Variants in USP4 observed in about 807,000 individuals in gnomAD.
USP4 encodes the protein ubiquitin specific peptidase 4.
Under a neutral mutation model 118.2 loss-of-function variants are expected in USP4, and 72 were observed. That is an observed-to-expected ratio of 0.61 (90% CI 0.50 to 0.74). The LOEUF (loss-of-function observed/expected upper bound fraction) is 0.74, where lower values mean the gene tolerates loss of function less well. USP4 is among the 30% of genes least tolerant of loss of function. The probability of loss-of-function intolerance (pLI) is 0.00; values close to 1 mark genes in which losing one functional copy is unlikely to be tolerated. For synonymous variants in USP4, 415 were observed against 440.4 expected (o/e 0.94, Z 0.72); for missense variants, 1,037 against 1,185.7 (o/e 0.87, Z 1.84).
intron 15 of USP4, among the ~76,000 whole-genome samples, chr3:49,289,082 G>C (rs139268095): frequency 6.6e-6 from 1 of 152,188 alleles, no homozygotes; most frequent in Non-Finnish European, 1.5e-5. Flanking sequence ...CTGCACTCCA[G>C]CCTGGGCGAC....
At chr3:49,279,925 A>T (rs1330385098) in intron 20 of USP4, among the ~76,000 whole-genome samples, 1 of 152,200 alleles carries the variant, frequency 6.6e-6, no homozygotes, top group Non-Finnish European at 1.5e-5. Flanking sequence ...GAGGATGAGA[A>T]ACTTGCCCAA....
chr3:49,330,142 G>T (rs570886357), intron 2 of USP4, among the ~76,000 whole-genome samples: 14 of 151,472 alleles, frequency 9.2e-5, no homozygotes, highest in African/African-American at 2.7e-4. Flanking sequence ...CTGCACTCCA[G>T]CCTGGGCAAC....
At chr3:49,281,184 C>T (rs1458587100) in intron 19 of USP4, among the ~76,000 whole-genome samples, 3 of 151,884 alleles carry the variant, frequency 2.0e-5, no homozygotes, top group Admixed American at 6.6e-5. Flanking sequence ...AGGCCGCGCA[C>T]GGTGGCTCAC....
chr3:49,339,887 T>C lies in USP4; in HGVS notation c.101+37A>G, dbSNP rs200331948. ...AAGGAGGCCCCTTTTTCTCGGCCCC[T>C]GGTTCTGCATAGAGGAAGAGCGAGC... On this transcript the variant is annotated intron_variant, in intron 1 of 21. Coordinates refer to ENST00000265560, the MANE Select transcript of USP4 (RefSeq NM_003363.4). 6.3e-6 allele frequency: 10 copies of C among 1,578,056 alleles called. No individual in the cohort carries two copies. In the African/African-American group the frequency reaches 6.7e-5, roughly 11 times the overall value.
chr3:49,312,580 A>T (rs2047395121), intron 6 of USP4: 5 of 433,296 alleles, frequency 1.2e-5, no homozygotes, highest in South Asian at 8.0e-5. Flanking sequence ...AGATCGCGCC[A>T]TTGCACTCCA....
intron 3 of USP4, among the ~76,000 whole-genome samples, chr3:49,326,707 C>CTTT (rs72492740): frequency 7.2e-6 from 1 of 138,320 alleles, no homozygotes; most frequent in Non-Finnish European, 1.6e-5. Context: ...ATCAAAGACT[C>CTTT]TTTTTTTTTT....
rs1234413500 is a variant in USP4, at chr3:49,280,920, CCT to C, written c.2541-75_2541-74del. ...AAAGTAGTTAAGAGTAACCCAGCAA[CCT>C]CTGTTATGCAACAGGGCAGAACACA... is the stretch of plus-strand genomic sequence containing the variant. On this transcript the variant is annotated intron_variant, in intron 19 of 21. Coordinates refer to ENST00000265560, the MANE Select transcript of USP4 (RefSeq NM_003363.4). 8 of 1,263,822 alleles carry C rather than the reference CCT, an allele frequency of 6.3e-6. No homozygotes were observed. The East Asian group carries it at 2.0e-4, about 31-fold the overall frequency. The allele number at this position is 1,263,822 out of a possible 1,614,324, so 78.3% of individuals were successfully genotyped here. A position where few individuals can be genotyped will look rare whatever the true frequency, so the allele number is the denominator to read the frequency against.
intron 6 of USP4, among the ~76,000 whole-genome samples, chr3:49,313,079 G>A (rs1397988534): frequency 2.0e-5 from 3 of 151,516 alleles, no homozygotes; most frequent in Admixed American, 1.3e-4. Context: ...TTTTAGTAGA[G>A]ACAGGGTTTC....
At chr3:49,288,912 C>T (rs2047126066) in intron 15 of USP4, among the ~76,000 whole-genome samples, 2 of 152,076 alleles carry the variant, frequency 1.3e-5, no homozygotes, top group South Asian at 2.1e-4. Flanking sequence ...GAGTTCGAGA[C>T]AAGCCTGGGA....
chr3:49,286,214 T>C lies in USP4; in HGVS notation c.2084A>G (p.Lys695Arg), dbSNP rs769294022. The C allele has an allele frequency of 1.2e-6, 2 of 1,614,136 alleles. No individual in the cohort carries two copies. The highest frequency in any genetic ancestry group is 1.1e-5 in the South Asian group (1 of 91,074). ...TGGGCAGGGCTGGCCTTTGATCTTCTTTTGGGTGGTCTCACTGGGGTCATT... is the reference window on the plus strand; with the variant it reads ...TGGGCAGGGCTGGCCTTTGATCTTCCTTTGGGTGGTCTCACTGGGGTCATT... ...PGNDPSETTQ[K>R]KIKGQPCPKR... Residue 695 changes from lysine to arginine, a missense_variant, in exon 16 of 22, where the codon AAG becomes AGG. Physicochemically the swap from Lys to Arg is conservative, Grantham distance 26. Coordinates refer to ENST00000265560, the MANE Select transcript of USP4 (RefSeq NM_003363.4).
At chr3:49,327,084 A>G (rs1464925308) in intron 3 of USP4, among the ~76,000 whole-genome samples, 1 of 152,214 alleles carries the variant, frequency 6.6e-6, no homozygotes, top group Non-Finnish European at 1.5e-5. Flanking sequence ...CTATATGTCC[A>G]TATGCCCCCA....
At chr3:49,333,800 G>A (rs1194808141) in intron 2 of USP4, among the ~76,000 whole-genome samples, 1 of 152,110 alleles carries the variant, frequency 6.6e-6, no homozygotes, top group Non-Finnish European at 1.5e-5. Context: ...CACTTTGGGA[G>A]GCTGAGGTCG....
chr3:49,305,568 A>C (rs748326582), intron 9 of USP4, 147 bp downstream of exon 9: 4 of 579,632 alleles, frequency 6.9e-6, no homozygotes, highest in Non-Finnish European at 1.1e-5. Context: ...GAAACATTTT[A>C]GATTTTGGAA....
At chr3:49,332,636 G>T (rs573751017) in intron 2 of USP4, among the ~76,000 whole-genome samples, 1 of 151,976 alleles carries the variant, frequency 6.6e-6, no homozygotes, top group Admixed American at 6.6e-5. Context: ...ATCACTTAAG[G>T]TCAGGAGTTT....
At chr3:49,298,695 A>T in intron 11 of USP4, 60 bp from the exon 12 acceptor site, 1 of 1,448,110 alleles carries the variant, frequency 6.9e-7, no homozygotes. Context: ...GAAATGCATT[A>T]GGAGAAGCAG....
chr3:49,339,981 G>A lies in USP4; in HGVS notation c.44C>T (p.Thr15Ile), dbSNP rs1486547370. ...TAAGGGTCCAAGCTCGGACTTCTGA[G>A]TCTCCGCATCCGGTCGCTCACGGCA... ...GGCRERPDAETQKSELGPLMR... is the reference protein window; with the variant it reads ...GGCRERPDAEIQKSELGPLMR... The change falls in exon 1 of 22, where the codon ACT (threonine) becomes ATT (isoleucine). Residue 15 changes from threonine (T) to isoleucine (I), a missense_variant. This residue lies in a region of USP4 where 487 missense variants were observed against 534.1 expected (regional missense o/e 0.91). Transcript: ENST00000265560. 1.9e-6 allele frequency: 3 copies of A among 1,612,208 alleles called. No individual in the cohort carries two copies. Among genetic ancestry groups the A allele is most frequent in the African/African-American group, 2.7e-5 (2 of 74,928 alleles).
At chr3:49,299,682 G>A (rs960032002) in intron 11 of USP4, among the ~76,000 whole-genome samples, 80 of 151,940 alleles carry the variant, frequency 5.3e-4, no homozygotes, top group Non-Finnish European at 1.2e-4. Flanking sequence ...GTGAGCCACC[G>A]CGCCCGGCCC....
chr3:49,292,828 G>A (rs545185525), intron 14 of USP4, among the ~76,000 whole-genome samples: 4 of 151,968 alleles, frequency 2.6e-5, no homozygotes, highest in South Asian at 4.2e-4. Context: ...TCAGGAGTTC[G>A]AGACCAGCCT....
chr3:49,285,024 CCTT>C (rs1250386323), intron 16 of USP4, 105 bp from the exon 17 acceptor site: 44 of 792,146 alleles, frequency 5.6e-5, no homozygotes, highest in Non-Finnish European at 9.0e-5. Context: ...ACCATCAACA[CCTT>C]CTCCCCCATC....
Sources: gnomAD v4.1 joint callset for allele counts (sites outside exome capture counted in the v4.1 genomes callset) on GRCh38, gnomAD v4.1.1 for gene constraint, gnomAD v4.1.1 regional missense constraint, MANE v1.5 for transcripts, NCBI Gene and HGNC (gene_info 2026-07-23, HGNC 2026-07-21) for gene names.